Variants in ABCA9 observed in about 807,000 individuals in gnomAD.
ABCA9 encodes ATP binding cassette subfamily A member 9, also known as ATP-binding cassette sub-family A member 9.
ABCA9 carries 183 observed loss-of-function variants against 205.3 expected under a neutral mutation model. The observed-to-expected ratio is 0.89, with a 90% confidence interval of 0.79 to 1.01. The LOEUF is 1.01. Among genes scored for constraint, ABCA9 ranks in the 50% least tolerant of loss-of-function variants. The probability of loss-of-function intolerance (pLI) is 0.00; values close to 1 mark genes in which losing one functional copy is unlikely to be tolerated. For synonymous variants in ABCA9, 651 were observed against 683.3 expected, an observed-to-expected ratio of 0.95 and a Z score of 0.74; for missense variants, 1,805 against 1,912.4, an observed-to-expected ratio of 0.94 and a Z score of 1.05.
At chr17:68,996,149 TC>T (rs2069617377) in intron 25 of ABCA9, 135 bp from the exon 26 acceptor site, 1 of 858,570 alleles carries the variant, frequency 1.2e-6, no homozygotes, top group Middle Eastern at 3.7e-4. Context: ...TTATATCATT[TC>T]TTTCCTTTGC....
chr17:68,995,916 GC>G lies in ABCA9; in HGVS notation c.3533del (p.Gly1178AlafsTer17). ...TTACCTCAGAAAAAATGAATAGAGA[GC>G]CAATCAATGTGAAGGGAGGTATTAA... is the stretch of plus-strand genomic sequence containing the variant. Reference protein sequence around the residue: ...TMLIPPFTLIGSLFIFSEISP... With the variant: ...TMLIPPFTLIXSLFIFSEISP... On this transcript the variant is annotated frameshift_variant, in exon 26 of 39. Coordinates refer to ENST00000340001, the MANE Select transcript of ABCA9 (RefSeq NM_080283.4). LOFTEE classifies it high-confidence loss of function. 1.9e-6 allele frequency: 3 copies of G among 1,613,744 alleles called. No individual in the cohort carries two copies. The highest frequency in any genetic ancestry group is 2.5e-6 in the Non-Finnish European group (3 of 1,179,912).
At position 69,016,247 on chromosome 17, in the gene ABCA9, A is replaced by T. The variant is rs768912917; in HGVS notation, c.3039+6T>A. The T allele has an allele frequency of 2.5e-6, 4 of 1,569,052 alleles. No individual in the cohort carries two copies. Among genetic ancestry groups the T allele is most frequent in the Non-Finnish European group, 3.4e-6 (4 of 1,164,034 alleles). ...CACAGTATAAATGAGATATAATTAT[A>T]CTTACTTCAAAAAATGTGCTTCTGT... is the stretch of plus-strand genomic sequence containing the variant. On this transcript the variant is annotated splice_donor_region_variant and intron_variant, in intron 22 of 38. Coordinates refer to ENST00000340001, the MANE Select transcript of ABCA9 (RefSeq NM_080283.4).
intron 4 of ABCA9, among the ~76,000 whole-genome samples, chr17:69,044,917 A>G (rs1425858763): frequency 2.2e-5 from 3 of 137,798 alleles, no homozygotes; most frequent in African/African-American, 7.9e-5. Flanking sequence ...TTGGGAATCA[A>G]TGAGCAAGAT....
rs2069155393 is a variant in ABCA9, at chr17:68,984,153, T to C, written c.4402A>G (p.Arg1468Gly). Residue 1468 changes from arginine to glycine, a missense_variant, in exon 35 of 39, where the codon AGA (arginine) becomes GGA (glycine). Arg to Gly is a moderately radical substitution (Grantham distance 125). Coordinates refer to ENST00000340001, the MANE Select transcript of ABCA9 (RefSeq NM_080283.4). ...QMWQVIRATF[R>G]NTERGALLTT... is the part of the protein sequence containing the mutation. ...AGGAGGGCGCCCCTCTCCGTGTTTC[T>C]AAAGGTGGCCCGAATCACCTGCCTA... The C allele has an allele frequency of 6.2e-7, 1 of 1,614,156 alleles. No homozygotes were observed. The highest frequency in any genetic ancestry group is 2.2e-5 in the East Asian group (1 of 44,870).
chr17:69,034,459 A>G (rs2071268394), intron 8 of ABCA9, among the ~76,000 whole-genome samples: 1 of 152,026 alleles, frequency 6.6e-6, no homozygotes, highest in Admixed American at 6.6e-5. Flanking sequence ...GCCACAGGAG[A>G]TCCACCCATC....
intron 25 of ABCA9, among the ~76,000 whole-genome samples, chr17:69,003,801 G>A (rs1476459143): frequency 3.3e-5 from 5 of 151,978 alleles, no homozygotes; most frequent in Admixed American, 6.6e-5. Context: ...ATATTTCTTG[G>A]AGGTTTTGCT....
intron 4 of ABCA9, 110 bp from the exon 5 acceptor site, chr17:69,044,710 G>A: frequency 1.1e-6 from 1 of 891,220 alleles, no homozygotes; most frequent in South Asian, 1.7e-5. Context: ...TATAGTGGAT[G>A]GTAAGTCTTC....
At chr17:69,042,581 A>G (rs2071579476) in intron 6 of ABCA9, 1 of 152,236 alleles carries the variant, frequency 6.6e-6, no homozygotes, top group African/African-American at 2.4e-5. Context: ...AAGGTATCTG[A>G]AACATGTATT....
rs1478335375 is a variant in ABCA9 at position 68,983,691 on chromosome 17, CA to C, written c.4640+17del. 5 of 1,612,230 alleles carry C rather than the reference CA, an allele frequency of 3.1e-6. No individual in the cohort carries two copies. The highest frequency in any genetic ancestry group is 4.2e-6 in the Non-Finnish European group (5 of 1,179,456). ...ACAAAAACCAAGGACTGTGATAAAA[CA>C]AAACACCTGTGTCTACCTTTCCTGC... On this transcript the variant is annotated intron_variant, in intron 36 of 38. Transcript: ENST00000340001.
chr17:69,046,806 A>C (rs1033898266), intron 3 of ABCA9, among the ~76,000 whole-genome samples: 1 of 149,118 alleles, frequency 6.7e-6, no homozygotes, highest in African/African-American at 2.5e-5. Flanking sequence ...GATGCAACCC[A>C]AGTCTAAATG....
rs1473714554 is a variant in ABCA9, at chr17:69,045,210, T to A, written c.431A>T (p.His144Leu). The A allele has an allele frequency of 1.9e-6, 3 of 1,613,054 alleles. No individual in the cohort carries two copies. The African/African-American group carries it at 4.0e-5, about 22-fold the overall frequency. The change falls in exon 4 of 39, where the codon CAT becomes CTT. Residue 144 changes from histidine to leucine, a missense_variant. Transcript: ENST00000340001. ...FSYHLKFSWG[H>L]RIPMMKEHRD... is the part of the protein sequence containing the mutation. ...GTGCTCTTTCATCATGGGGATTCTA[T>A]GTCCCCAAGAAAACTTCAAATGGTA...
intron 18 of ABCA9, chr17:69,020,858 GA>G (rs766714340): frequency 1.1e-4 from 35 of 305,122 alleles, no homozygotes; most frequent in Admixed American, 4.2e-4. Flanking sequence ...GGAAATCAAT[GA>G]AAAAAAACTC....
intron 23 of ABCA9, 155 bp downstream of exon 23, chr17:69,011,821 T>C: frequency 2.0e-6 from 1 of 488,534 alleles, no homozygotes; most frequent in Non-Finnish European, 3.6e-6. Flanking sequence ...GATAGCATTT[T>C]CTTCATATTT....
rs547600281 is a variant in ABCA9, at chr17:69,004,990, T to A, written c.3435+2769A>T. On this transcript the variant is annotated intron_variant, in intron 25 of 38. Transcript: ENST00000340001. ...TCGCCCTGCTTCGGCTCGTGCATGGTGCGCGCACCCACTGACCTGCGCCCA... is the reference window on the plus strand; with the variant it reads ...TCGCCCTGCTTCGGCTCGTGCATGGAGCGCGCACCCACTGACCTGCGCCCA... 4.7e-4 allele frequency among the ~76,000 whole-genome samples: 72 copies of A among 152,194 alleles called. No homozygotes were observed. The Middle Eastern group carries it at 0.01, about 22-fold the overall frequency.
intron 22 of ABCA9, among the ~76,000 whole-genome samples, chr17:69,015,557 A>C (rs1025576913): frequency 1.3e-5 from 2 of 152,130 alleles, no homozygotes; most frequent in African/African-American, 4.8e-5. Flanking sequence ...TTTAATGGAA[A>C]CTTCTTTTGA....
intron 25 of ABCA9, among the ~76,000 whole-genome samples, chr17:69,004,094 G>A (rs1044643021): frequency 5.9e-5 from 9 of 151,968 alleles, no homozygotes; most frequent in South Asian, 4.2e-4. Flanking sequence ...TAATTTGATC[G>A]TCTGAAGCCT....
chr17:69,048,079 A>G (rs2071779339), intron 3 of ABCA9, among the ~76,000 whole-genome samples: 1 of 152,144 alleles, frequency 6.6e-6, no homozygotes, highest in African/African-American at 2.4e-5. Flanking sequence ...CCCTTATAAA[A>G]TCATTAGATC....
Position 68,985,078 on chromosome 17 carries a change from G to A in ABCA9, c.4259C>T (p.Thr1420Ile). Residue 1420 changes from threonine (T) to isoleucine (I), a missense_variant, in exon 33 of 39, where the codon ACC becomes ATC. Coordinates refer to ENST00000340001, the MANE Select transcript of ABCA9 (RefSeq NM_080283.4). ...LQDQLKAPVKTLSEGIKRKLC... is the reference protein window; with the variant it reads ...LQDQLKAPVKILSEGIKRKLC... ...CTTTCGCTTTATTCCCTCTGACAAG[G>A]TCTTCACGGGAGCCTTCAGCTGGTC... is the stretch of plus-strand genomic sequence containing the variant. The A allele has an allele frequency of 6.2e-7, 1 of 1,614,166 alleles. No homozygotes were observed. Among genetic ancestry groups the A allele is most frequent in the Non-Finnish European group, 8.5e-7 (1 of 1,180,032 alleles).
chr17:69,015,751 G>GT (rs1013641610), intron 22 of ABCA9, among the ~76,000 whole-genome samples: 8 of 151,910 alleles, frequency 5.3e-5, no homozygotes, highest in Non-Finnish European at 1.2e-4. Context: ...TCTTTAATCT[G>GT]TTTTTTGTAA....
Sources: gnomAD v4.1 joint callset for allele counts (sites outside exome capture counted in the v4.1 genomes callset) on GRCh38, gnomAD v4.1.1 for gene constraint, MANE v1.5 for transcripts, NCBI Gene and HGNC (gene_info 2026-07-23, HGNC 2026-07-21) for gene names.